SOX6: variants seen among roughly 807,000 people sequenced by gnomAD.
The protein encoded by SOX6 is SRY-box transcription factor 6.
Under a neutral mutation model 97.8 loss-of-function variants are expected in SOX6, and 11 were observed. The observed-to-expected ratio is 0.11, with a 90% CI of 0.07 to 0.19. The LOEUF is 0.19. Ranked by LOEUF, SOX6 falls within the 10% of genes least tolerant of loss-of-function variation. SOX6 has a pLI of 1.00. For synonymous variants in SOX6, 360 were observed against 371.4 expected, an observed-to-expected ratio of 0.97 and a Z score of 0.35; for missense variants, 810 against 1,039.5, an observed-to-expected ratio of 0.78 and a Z score of 3.04.
At chr11:15,999,427 G>GA (rs1432887676) in intron 13 of SOX6, among the ~76,000 whole-genome samples, 1 of 151,814 alleles carries the variant, frequency 6.6e-6, no homozygotes, top group Non-Finnish European at 1.5e-5. Flanking sequence ...ATCAATAATA[G>GA]AAAAAAGGAA....
chr11:16,627,499 G>T (rs1590019068), intron 3 of SOX6, among the ~76,000 whole-genome samples: 1 of 152,300 alleles, frequency 6.6e-6, no homozygotes, highest in South Asian at 2.1e-4. Context: ...ATTCCAACTT[G>T]TATGAGATGA....
intron 11 of SOX6, 99 bp downstream of exon 11, chr11:16,049,656 A>G: frequency 7.3e-7 from 1 of 1,378,730 alleles, no homozygotes; most frequent in South Asian, 1.2e-5. Flanking sequence ...ATCTTTTACT[A>G]AGGAGCACTT....
intron 1 of SOX6, among the ~76,000 whole-genome samples, chr11:16,421,619 G>T (rs1859023212): frequency 6.6e-6 from 1 of 152,122 alleles, no homozygotes; most frequent in Non-Finnish European, 1.5e-5. Context: ...AGAATTCAAT[G>T]ATATTGTACA....
intron 9 of SOX6, among the ~76,000 whole-genome samples, chr11:16,086,936 A>G (rs1423122912): frequency 6.6e-6 from 1 of 152,224 alleles, no homozygotes; most frequent in Non-Finnish European, 1.5e-5. Context: ...TCACTTGAAT[A>G]TTATAACAAG....
At chr11:16,357,738 T>C (rs958257556), upstream of SOX6, among the ~76,000 whole-genome samples, 4 of 152,166 alleles carry the variant, frequency 2.6e-5, no homozygotes, top group South Asian at 8.3e-4. Flanking sequence ...GCTTAGTAGA[T>C]GCAAAATAAT....
intron 13 of SOX6, among the ~76,000 whole-genome samples, chr11:16,011,995 C>G (rs1219976496): frequency 6.6e-6 from 1 of 151,862 alleles, no homozygotes; most frequent in Non-Finnish European, 1.5e-5. Flanking sequence ...CTCACTAGAC[C>G]ATATGTTTAA....
intron 9 of SOX6, among the ~76,000 whole-genome samples, chr11:16,068,919 T>C (rs1590174456): frequency 6.6e-6 from 1 of 152,222 alleles, no homozygotes; most frequent in East Asian, 1.9e-4. Context: ...CTGAGGCTTA[T>C]TTATCTTTAT....
intron 2 of SOX6, among the ~76,000 whole-genome samples, chr11:16,329,380 T>C (rs1413754938): frequency 6.6e-6 from 1 of 152,200 alleles, no homozygotes; most frequent in African/African-American, 2.4e-5. Flanking sequence ...ATCTATACAC[T>C]ACCAGCCTCA....
intron 1 of SOX6, among the ~76,000 whole-genome samples, chr11:16,408,118 T>C (rs1858723422): frequency 6.6e-6 from 1 of 152,160 alleles, no homozygotes; most frequent in East Asian, 1.9e-4. Flanking sequence ...ACAGCAGTGA[T>C]TCAAGGTCAT....
Position 16,727,174 on chromosome 11 carries a change from G to A in SOX6, n.353+9165C>T, listed in dbSNP as rs1405032139. 2.0e-5 allele frequency among the ~76,000 whole-genome samples: 3 copies of A among 147,770 alleles called. No homozygotes were observed. The East Asian group carries it at 5.8e-4, about 29-fold the overall frequency. On this transcript the variant is annotated intron_variant and non_coding_transcript_variant, in intron 2 of 5. Coordinates refer to the SOX6 transcript ENST00000524520. ...ACCATGGAGTCTACAACTGTGATGG[G>A]TTTCTTGGATATTTTTGGGGAAATA...
At chr11:16,003,002 C>G (rs1194061727) in intron 13 of SOX6, among the ~76,000 whole-genome samples, 1 of 152,134 alleles carries the variant, frequency 6.6e-6, no homozygotes, top group Non-Finnish European at 1.5e-5. Context: ...AGTTTTAAAT[C>G]CTTTAACCTC....
intron 12 of SOX6, among the ~76,000 whole-genome samples, chr11:16,031,726 T>G (rs1590144366): frequency 6.9e-6 from 1 of 143,918 alleles, no homozygotes; most frequent in Non-Finnish European, 1.5e-5. Context: ...AGAGGGAGGG[T>G]GGAAAAATAA....
At chr11:16,480,603 TAA>T (rs1193529667), upstream of SOX6, among the ~76,000 whole-genome samples, 1 of 151,630 alleles carries the variant, frequency 6.6e-6, no homozygotes, top group Non-Finnish European at 1.5e-5. Flanking sequence ...AAATCCTGCT[TAA>T]AAGTCTGTCT....
intron 9 of SOX6, among the ~76,000 whole-genome samples, chr11:16,069,736 C>T (rs940111995): frequency 2.0e-5 from 3 of 152,194 alleles, no homozygotes; most frequent in Non-Finnish European, 2.9e-5. Flanking sequence ...TTTGAGACTT[C>T]TGCCAATTGC....
At chr11:16,046,061 C>A (rs900255726) in intron 12 of SOX6, among the ~76,000 whole-genome samples, 2 of 152,130 alleles carry the variant, frequency 1.3e-5, no homozygotes. Context: ...CAAATGAATG[C>A]AATTTGCAAA....
At chr11:16,428,770 G>T (rs1229304976) in intron 1 of SOX6, among the ~76,000 whole-genome samples, 1 of 152,136 alleles carries the variant, frequency 6.6e-6, no homozygotes, top group African/African-American at 2.4e-5. Context: ...GATGCCTCCA[G>T]CTTTGTTCTT....
At chr11:16,249,839 C>A (rs2134197411) in intron 3 of SOX6, among the ~76,000 whole-genome samples, 1 of 152,250 alleles carries the variant, frequency 6.6e-6, no homozygotes, top group Non-Finnish European at 1.5e-5. Context: ...TACAGTTGAT[C>A]AAGTGTTCTC....
intron 4 of SOX6, among the ~76,000 whole-genome samples, chr11:16,608,193 G>A (rs1848357849): frequency 6.6e-6 from 1 of 151,996 alleles, no homozygotes; most frequent in Non-Finnish European, 1.5e-5. Flanking sequence ...ACTGTAGCGT[G>A]GAAAAGGTAG....
At chr11:16,287,290 T>TCA (rs1565071264) in intron 3 of SOX6, among the ~76,000 whole-genome samples, 2 of 71,422 alleles carry the variant, frequency 2.8e-5, no homozygotes, top group African/African-American at 8.7e-5. Context: ...TCTCTCTCTC[T>TCA]CTCTCTCTCA....
Sources: gnomAD v4.1 joint callset for allele counts (sites outside exome capture counted in the v4.1 genomes callset) on GRCh38, gnomAD v4.1.1 for gene constraint, MANE v1.5 for transcripts, NCBI Gene and HGNC (gene_info 2026-07-23, HGNC 2026-07-21) for gene names.